FGF12: variants seen among roughly 807,000 people sequenced by gnomAD.
FGF12 encodes fibroblast growth factor 12B.
Under a neutral mutation model 23.6 loss-of-function variants are expected in FGF12, and 14 were observed. The ratio of observed to expected loss-of-function variants is 0.59; its 90% CI spans 0.39 to 0.93. FGF12 has a LOEUF of 0.93. Among genes scored for constraint, FGF12 ranks in the 40% least tolerant of loss-of-function variants. FGF12 has a pLI of 0.00. For missense variants in FGF12, 175 were observed against 217.8 expected (o/e 0.80, Z 1.24); for synonymous variants, 62 against 77.3 (o/e 0.80, Z 1.04).
chr3:192,258,442 G>GT (rs1712544474), intron 4 of FGF12, among the ~76,000 whole-genome samples: 1 of 152,116 alleles, frequency 6.6e-6, no homozygotes, highest in Non-Finnish European at 1.5e-5. Flanking sequence ...GGGTGACAGA[G>GT]TGAGACCCTT....
At chr3:192,267,308 T>A (rs1713141298) in intron 4 of FGF12, among the ~76,000 whole-genome samples, 1 of 152,158 alleles carries the variant, frequency 6.6e-6, no homozygotes, top group South Asian at 2.1e-4. Context: ...ATGCTCTGAT[T>A]CATCTTTATG....
chr3:192,174,660 T>G (rs1204137100), intron 4 of FGF12, among the ~76,000 whole-genome samples: 1 of 151,830 alleles, frequency 6.6e-6, no homozygotes, highest in African/African-American at 2.4e-5. Flanking sequence ...AATATGGAGT[T>G]GGGCATCAAA....
At chr3:192,255,549 C>T (rs992421048) in intron 4 of FGF12, among the ~76,000 whole-genome samples, 4 of 151,950 alleles carry the variant, frequency 2.6e-5, no homozygotes, top group African/African-American at 7.2e-5. Context: ...TTCCAATTCA[C>T]GTTTGGTATA....
chr3:192,410,841 T>C (rs1721177283), intron 2 of FGF12, among the ~76,000 whole-genome samples: 1 of 152,064 alleles, frequency 6.6e-6, no homozygotes, highest in South Asian at 2.1e-4. Flanking sequence ...TGTGACGACA[T>C]CTGATGTTGG....
At chr3:192,312,082 G>A (rs1715978301) in intron 4 of FGF12, among the ~76,000 whole-genome samples, 1 of 152,052 alleles carries the variant, frequency 6.6e-6, no homozygotes, top group Non-Finnish European at 1.5e-5. Flanking sequence ...TATCAGATAT[G>A]TGGTTTTCAA....
chr3:192,644,113 G>A (rs74714235), intron 2 of FGF12, among the ~76,000 whole-genome samples: 5,560 of 152,238 alleles, frequency 0.037, 146 homozygotes, highest in Non-Finnish European at 0.055. Context: ...ATACATCCCC[G>A]TTTGATCATA....
intron 4 of FGF12, among the ~76,000 whole-genome samples, chr3:192,294,238 G>T (rs759200026): frequency 5.9e-5 from 9 of 151,934 alleles, no homozygotes; most frequent in African/African-American, 2.2e-4. Context: ...TCCCAGACTC[G>T]GGTATGTCTT....
At chr3:192,272,167 T>G (rs771803685) in intron 4 of FGF12, among the ~76,000 whole-genome samples, 12 of 152,076 alleles carry the variant, frequency 7.9e-5, no homozygotes, top group Non-Finnish European at 1.8e-4. Context: ...AATTAAACAA[T>G]CACCCAGAGA....
intron 2 of FGF12, among the ~76,000 whole-genome samples, chr3:192,592,863 G>T (rs1027079030): frequency 1.3e-5 from 2 of 151,770 alleles, no homozygotes; most frequent in African/African-American, 4.8e-5. Context: ...GCACAAAATT[G>T]TCTGCTTTGA....
chr3:192,560,867 T>C (rs1711989674), intron 2 of FGF12, among the ~76,000 whole-genome samples: 1 of 152,100 alleles, frequency 6.6e-6, no homozygotes, highest in Non-Finnish European at 1.5e-5. Flanking sequence ...CTCATACACA[T>C]AGATGTGAAA....
At chr3:192,727,048 A>G in intron 2 of FGF12, 133 bp downstream of exon 2, 1 of 1,134,718 alleles carries the variant, frequency 8.8e-7, no homozygotes, top group Non-Finnish European at 1.3e-6. Flanking sequence ...CAGTGCTGCA[A>G]TGGACATAGC....
chr3:192,507,030 T>TACAG (rs1056554364), intron 2 of FGF12, among the ~76,000 whole-genome samples: 1 of 151,982 alleles, frequency 6.6e-6, no homozygotes, highest in Non-Finnish European at 1.5e-5. Context: ...TAGCTGGGAC[T>TACAG]ACAGGCGCCT....
rs769672090 is a variant in FGF12 at position 192,400,945 on chromosome 3, T to A, written c.14-40407A>T. Among the ~76,000 whole-genome samples the A allele has an allele frequency of 6.6e-5, 10 of 152,340 alleles. 1 individual carries two copies. Among genetic ancestry groups the A allele is most frequent in the Admixed American group, 3.9e-4 (6 of 15,296 alleles). On this transcript the variant is annotated intron_variant, in intron 2 of 5. Transcript: ENST00000445105. ...CTAGACCAGTGGTTCTCAAACTTTT[T>A]GTTTTCAGGATCCTTTACACTCCTA... is the stretch of plus-strand genomic sequence containing the variant.
chr3:192,643,730 T>C (rs1288946900), intron 2 of FGF12, among the ~76,000 whole-genome samples: 1 of 152,192 alleles, frequency 6.6e-6, no homozygotes, highest in Non-Finnish European at 1.5e-5. Context: ...TTTATATCAG[T>C]ATATAAATTA....
intron 3 of FGF12, among the ~76,000 whole-genome samples, chr3:192,343,069 T>C (rs914758867): frequency 2.6e-5 from 4 of 152,098 alleles, no homozygotes; most frequent in Non-Finnish European, 4.4e-5. Flanking sequence ...CTTTGGAACA[T>C]GTAAATCCAG....
At chr3:192,242,167 G>A (rs556861730) in intron 4 of FGF12, among the ~76,000 whole-genome samples, 5 of 152,090 alleles carry the variant, frequency 3.3e-5, no homozygotes, top group African/African-American at 7.2e-5. Context: ...AAAATAAATT[G>A]ATGAATTAGA....
At chr3:192,628,735 A>T in intron 2 of FGF12, among the ~76,000 whole-genome samples, 1 of 150,168 alleles carries the variant, frequency 6.7e-6, no homozygotes, top group Admixed American at 6.7e-5. Context: ...ACATATATAC[A>T]CATATATACA....
chr3:192,147,856 C>G (rs777799707), intron 5 of FGF12, among the ~76,000 whole-genome samples: 1 of 152,050 alleles, frequency 6.6e-6, no homozygotes. Flanking sequence ...GTATGTTAAT[C>G]AAGATTTAAG....
intron 2 of FGF12, among the ~76,000 whole-genome samples, chr3:192,449,181 C>A (rs189329876): frequency 6.6e-6 from 1 of 152,172 alleles, no homozygotes; most frequent in Non-Finnish European, 1.5e-5. Context: ...GCCTTGAACC[C>A]TTTAAGTCTC....
Sources: gnomAD v4.1 joint callset for allele counts (sites outside exome capture counted in the v4.1 genomes callset) on GRCh38, gnomAD v4.1.1 for gene constraint, MANE v1.5 for transcripts, NCBI Gene and HGNC (gene_info 2026-07-23, HGNC 2026-07-21) for gene names.